MRPL1: variants seen among roughly 807,000 people sequenced by gnomAD.
MRPL1 encodes the protein large ribosomal subunit protein uL1m.
Under a neutral mutation model 38.0 loss-of-function variants are expected in MRPL1, and 28 were observed. The ratio of observed to expected loss-of-function variants is 0.74; its 90% confidence interval spans 0.55 to 1.01. The LOEUF (loss-of-function observed/expected upper bound fraction) is 1.01, where lower values mean the gene tolerates loss of function less well. Among genes scored for constraint, MRPL1 ranks in the 50% least tolerant of loss-of-function variants. The probability of loss-of-function intolerance (pLI) is 0.00; values close to 1 mark genes in which losing one functional copy is unlikely to be tolerated. For synonymous variants in MRPL1, 123 were observed against 126.7 expected (o/e 0.97, Z 0.20); for missense variants, 358 against 389.8 (o/e 0.92, Z 0.69).
At chr4:77,908,357 CA>C in intron 6 of MRPL1, 1 of 161,924 alleles carries the variant, frequency 6.2e-6, no homozygotes. Context: ...CTCAGCCTCC[CA>C]AGTAGCTGGG....
At chr4:77,941,407 AT>A (rs749043038) in intron 7 of MRPL1, among the ~76,000 whole-genome samples, 2 of 152,092 alleles carry the variant, frequency 1.3e-5, no homozygotes, top group Non-Finnish European at 2.9e-5. Context: ...AAGATTCCCT[AT>A]TTCTCTATCT....
chr4:77,897,299 CTGCTT>C (rs1366564817), intron 6 of MRPL1, among the ~76,000 whole-genome samples: 2 of 152,060 alleles, frequency 1.3e-5, no homozygotes, highest in African/African-American at 4.8e-5. Context: ...GGTAATCTGC[CTGCTT>C]CAGCCTCCTA....
At chr4:77,882,853 C>A (rs2110234818) in intron 2 of MRPL1, among the ~76,000 whole-genome samples, 1 of 152,286 alleles carries the variant, frequency 6.6e-6, no homozygotes, top group Non-Finnish European at 1.5e-5. Flanking sequence ...ACTTCCTTAT[C>A]CATTAAGAAT....
intron 6 of MRPL1, among the ~76,000 whole-genome samples, chr4:77,906,305 A>G (rs750053460): frequency 2.0e-5 from 3 of 152,196 alleles, no homozygotes; most frequent in Non-Finnish European, 4.4e-5. Context: ...GGATTTGCCA[A>G]TGTGAAGGTT....
At position 77,872,270 on chromosome 4, in the gene MRPL1, A is replaced by G. The variant is rs1735297489; in HGVS notation, c.143+415A>G. Reference sequence around the variant, plus strand: ...TTTTAGAACAGAACCCACTGTTGCAATTAATGAATTTTAATTTAATTAAGA... The same window carrying G: ...TTTTAGAACAGAACCCACTGTTGCAGTTAATGAATTTTAATTTAATTAAGA... On this transcript the variant is annotated intron_variant, in intron 2 of 8. Coordinates refer to ENST00000315567, the MANE Select transcript of MRPL1 (RefSeq NM_020236.4). 2.6e-5 allele frequency among the ~76,000 whole-genome samples: 4 copies of G among 151,058 alleles called. No individual in the cohort carries two copies. The South Asian group carries it at 8.4e-4, about 32-fold the overall frequency.
intron 1 of MRPL1, among the ~76,000 whole-genome samples, chr4:77,871,078 GTT>G (rs1369630119): frequency 6.6e-6 from 1 of 152,046 alleles, no homozygotes; most frequent in African/African-American, 2.4e-5. Flanking sequence ...ATATGAAATA[GTT>G]TAAGTTAAAA....
intron 7 of MRPL1, among the ~76,000 whole-genome samples, chr4:77,941,906 T>C (rs1578064477): frequency 6.6e-6 from 1 of 152,166 alleles, no homozygotes; most frequent in East Asian, 1.9e-4. Flanking sequence ...ATTTCTTTTC[T>C]TCTGCTGGGT....
intron 7 of MRPL1, among the ~76,000 whole-genome samples, chr4:77,915,825 A>C (rs1195657307): frequency 1.3e-5 from 2 of 152,270 alleles, no homozygotes; most frequent in Non-Finnish European, 2.9e-5. Context: ...AAATGTCATA[A>C]GATGATACGT....
chr4:77,929,671 A>G (rs905241905), intron 7 of MRPL1, among the ~76,000 whole-genome samples: 2 of 152,168 alleles, frequency 1.3e-5, no homozygotes, highest in African/African-American at 4.8e-5. Flanking sequence ...GTATTTGTAG[A>G]TAAATAATGT....
chr4:77,913,372 T>C (rs570733530), intron 7 of MRPL1, among the ~76,000 whole-genome samples: 10 of 152,280 alleles, frequency 6.6e-5, no homozygotes, highest in Admixed American at 1.3e-4. Context: ...TATGGAGATA[T>C]ATAGATGACA....
At position 77,952,634 on chromosome 4, in the gene MRPL1, A is replaced by C. The variant is rs1286707080; in HGVS notation, c.*27A>C. ...TGTGGTGAATTGTGAAATTACTTTC[A>C]GTGGTTTAAGAAGCAATGGAGAAAA... On this transcript the variant is annotated 3_prime_UTR_variant, in exon 9 of 9. Transcript: ENST00000315567. The C allele has an allele frequency of 7.0e-7, 1 of 1,437,242 alleles. No homozygotes were observed. The highest frequency in any genetic ancestry group is 9.8e-7 in the Non-Finnish European group (1 of 1,024,368). 89.0% of individuals were successfully genotyped at this position (1,437,242 alleles called of 1,614,324 possible).
intron 7 of MRPL1, among the ~76,000 whole-genome samples, chr4:77,927,951 T>A (rs560502502): frequency 6.6e-6 from 1 of 152,210 alleles, no homozygotes; most frequent in South Asian, 2.1e-4. Context: ...TTAACAAGTA[T>A]TTCTTGTCTG....
At position 77,885,443 on chromosome 4, in the gene MRPL1, T is replaced by C. The variant is rs1735654160; in HGVS notation, c.486+104T>C. On this transcript the variant is annotated intron_variant, in intron 4 of 8. Transcript: ENST00000315567. Reference sequence around the variant, plus strand: ...GTGCAGTGGGGCAACCTCGGCTCACTGCAACCTCCGCCTCCCAGGTTCAAG... The same window carrying C: ...GTGCAGTGGGGCAACCTCGGCTCACCGCAACCTCCGCCTCCCAGGTTCAAG... 5.2e-6 allele frequency: 4 copies of C among 768,176 alleles called. No individual in the cohort carries two copies. The Admixed American group carries it at 6.5e-5, about 13-fold the overall frequency. 47.6% of individuals were successfully genotyped at this position (768,176 alleles called of 1,614,324 possible).
At chr4:77,914,492 C>T (rs1473446216) in intron 7 of MRPL1, among the ~76,000 whole-genome samples, 2 of 151,874 alleles carry the variant, frequency 1.3e-5, no homozygotes, top group Non-Finnish European at 2.9e-5. Flanking sequence ...TAAAAACGTG[C>T]AGTATGTCAA....
intron 6 of MRPL1, among the ~76,000 whole-genome samples, chr4:77,895,429 G>A (rs2110241205): frequency 1.3e-5 from 2 of 152,184 alleles, no homozygotes; most frequent in Middle Eastern, 3.4e-3. Context: ...CTCCTAATAA[G>A]TGTTATCATT....
chr4:77,880,235 G>A (rs7682450), intron 2 of MRPL1, among the ~76,000 whole-genome samples: 82,354 of 151,946 alleles, frequency 0.54, 22,637 homozygotes, highest in Admixed American at 0.58. Context: ...GGAGGCTCTA[G>A]GGGATAATCC....
chr4:77,885,480 C>T lies in MRPL1; in HGVS notation c.486+141C>T, dbSNP rs1735656294. 1.9e-5 allele frequency: 11 copies of T among 592,894 alleles called. No homozygotes were observed. In the South Asian group the frequency reaches 2.1e-4, roughly 11 times the overall value. The allele number at this position is 592,894 out of a possible 1,614,324, so 36.7% of individuals were successfully genotyped here. Reference sequence around the variant, plus strand: ...CTCCCAGGTTCAAGCGATTCTCCTGCCTCAGCCTCCCAAGTAGCTGGGACT... The same window carrying T: ...CTCCCAGGTTCAAGCGATTCTCCTGTCTCAGCCTCCCAAGTAGCTGGGACT... On this transcript the variant is annotated intron_variant, in intron 4 of 8. Transcript: ENST00000315567.
intron 6 of MRPL1, among the ~76,000 whole-genome samples, chr4:77,908,686 C>G (rs995850060): frequency 6.6e-6 from 1 of 152,168 alleles, no homozygotes; most frequent in Non-Finnish European, 1.5e-5. Context: ...CTTGAAACAA[C>G]ACGCATTTAT....
chr4:77,934,613 A>G (rs542233028), intron 7 of MRPL1, among the ~76,000 whole-genome samples: 3 of 152,352 alleles, frequency 2.0e-5, no homozygotes, highest in Middle Eastern at 6.8e-3. Flanking sequence ...TATAGCCGCT[A>G]TGAAAAACAA....
Sources: gnomAD v4.1 joint callset for allele counts (sites outside exome capture counted in the v4.1 genomes callset) on GRCh38, gnomAD v4.1.1 for gene constraint, MANE v1.5 for transcripts, NCBI Gene and HGNC (gene_info 2026-07-23, HGNC 2026-07-21) for gene names.